Variants in ADCY2 observed in about 807,000 individuals in gnomAD.
The protein encoded by ADCY2 is adenylate cyclase 2.
In ADCY2, 31 loss-of-function variants were observed where a neutral mutation model predicts 125.2. The observed-to-expected ratio is 0.25, with a 90% CI of 0.19 to 0.33. ADCY2 has a LOEUF of 0.33. Ranked by LOEUF, ADCY2 falls within the 10% of genes least tolerant of loss-of-function variation. The pLI, the probability that ADCY2 is intolerant of heterozygous loss-of-function variation, is 1.00. For missense variants in ADCY2, 904 were observed against 1,418.2 expected (o/e 0.64, Z 5.82); for synonymous variants, 512 against 548.4 (o/e 0.93, Z 0.93).
At chr5:7,673,166 G>C (rs1739989750) in intron 4 of ADCY2, among the ~76,000 whole-genome samples, 1 of 140,982 alleles carries the variant, frequency 7.1e-6, no homozygotes. Context: ...ACTTTGGGAG[G>C]CCAAGGCAGG....
chr5:7,692,968 A>G (rs1740754236), intron 5 of ADCY2, among the ~76,000 whole-genome samples: 2 of 152,016 alleles, frequency 1.3e-5, no homozygotes, highest in Non-Finnish European at 2.9e-5. Flanking sequence ...AGACACCACC[A>G]TCAAGCACAG....
intron 2 of ADCY2, among the ~76,000 whole-genome samples, chr5:7,448,097 T>G (rs548102154): frequency 6.6e-6 from 1 of 152,296 alleles, no homozygotes; most frequent in South Asian, 2.1e-4. Context: ...AAACCCTGTG[T>G]GCTGTCTGGG....
intron 4 of ADCY2, among the ~76,000 whole-genome samples, chr5:7,666,116 G>C (rs776400943): frequency 1.3e-5 from 2 of 151,618 alleles, no homozygotes; most frequent in Non-Finnish European, 2.9e-5. Context: ...GGGATTACAG[G>C]CGTGAGCCAC....
intron 2 of ADCY2, among the ~76,000 whole-genome samples, chr5:7,477,663 G>A (rs925155115): frequency 1.3e-5 from 2 of 152,114 alleles, no homozygotes; most frequent in Non-Finnish European, 2.9e-5. Flanking sequence ...CTCTTATCCA[G>A]TCTTCAGTTT....
rs933393599 is a variant in ADCY2 at position 7,827,247 on chromosome 5, C to T, written c.*376C>T. 1 of 189,032 alleles carries T rather than the reference C, an allele frequency of 5.3e-6. No individual in the cohort carries two copies. Among genetic ancestry groups the T allele is most frequent in the Admixed American group, 5.5e-5 (1 of 18,334 alleles). The allele number at this position is 189,032 out of a possible 1,614,324, so 11.7% of individuals were successfully genotyped here. On this transcript the variant is annotated 3_prime_UTR_variant, in exon 25 of 25. Transcript: ENST00000338316. ...TATGGTAGCTCGCCAACCGCATCTG[C>T]TCATCTGATATTCAAACACACAGTA...
At chr5:7,670,061 A>G (rs1561157082) in intron 4 of ADCY2, among the ~76,000 whole-genome samples, 2 of 152,178 alleles carry the variant, frequency 1.3e-5, no homozygotes, top group African/African-American at 4.8e-5. Flanking sequence ...GTTGTCACCA[A>G]TGTTATTTTT....
chr5:7,499,388 A>C (rs930085431), intron 2 of ADCY2, among the ~76,000 whole-genome samples: 2 of 151,986 alleles, frequency 1.3e-5, no homozygotes, highest in African/African-American at 4.8e-5. Flanking sequence ...TTTTGTTTCT[A>C]GGTCTTGACT....
At chr5:7,811,506 A>G (rs1744943054) in intron 22 of ADCY2, among the ~76,000 whole-genome samples, 1 of 150,738 alleles carries the variant, frequency 6.6e-6, no homozygotes, top group African/African-American at 2.5e-5. Flanking sequence ...GTCTCAAAAA[A>G]AAAAAGAAAA....
chr5:7,733,292 C>T (rs932481469), intron 14 of ADCY2, among the ~76,000 whole-genome samples: 1 of 152,168 alleles, frequency 6.6e-6, no homozygotes, highest in Non-Finnish European at 1.5e-5. Context: ...CTTATTTCAA[C>T]ACTCAATACT....
intron 2 of ADCY2, among the ~76,000 whole-genome samples, chr5:7,473,259 G>A (rs1007387807): frequency 4.1e-4 from 62 of 152,276 alleles, no homozygotes; most frequent in African/African-American, 1.3e-3. Flanking sequence ...TGCACAAGAA[G>A]CATGGCACCC....
intron 20 of ADCY2, chr5:7,794,950 T>C (rs4702496): frequency 0.32 from 48,786 of 151,392 alleles, 8,148 homozygotes; most frequent in Admixed American, 0.45. Flanking sequence ...CTCCCTAAGG[T>C]TTCCCCAAGC....
At chr5:7,690,904 G>T in intron 5 of ADCY2, 65 bp downstream of exon 5, 1 of 1,425,582 alleles carries the variant, frequency 7.0e-7, no homozygotes. Flanking sequence ...ATTTTGCCTG[G>T]GATCTCACAC....
In ADCY2 at chr5:7,426,743, G is replaced by C. The variant is rs548820948; in HGVS notation, c.408+11973G>C. Among the ~76,000 whole-genome samples, 7 of 152,180 alleles carry C rather than the reference G, an allele frequency of 4.6e-5. No homozygotes were observed. The South Asian group carries it at 1.0e-3, about 23-fold the overall frequency. ...TTCTCTCTGCTTGTGGACCATCCCTGGGTCTCCCCCAGGAGATCTAGAGCT... is the reference window on the plus strand; with the variant it reads ...TTCTCTCTGCTTGTGGACCATCCCTCGGTCTCCCCCAGGAGATCTAGAGCT... On this transcript the variant is annotated intron_variant, in intron 2 of 24. Transcript: ENST00000338316.
At chr5:7,695,971 A>G in intron 6 of ADCY2, 108 bp downstream of exon 6, 1 of 660,894 alleles carries the variant, frequency 1.5e-6, no homozygotes, top group Non-Finnish European at 2.4e-6. Context: ...ATCCTTTAGG[A>G]ACATTGTTTG....
intron 15 of ADCY2, among the ~76,000 whole-genome samples, chr5:7,750,781 G>T (rs1183739345): frequency 6.8e-6 from 1 of 146,606 alleles, no homozygotes; most frequent in East Asian, 2.0e-4. Flanking sequence ...TGTAGGATTT[G>T]CTCTTTGTAT....
At chr5:7,814,893 G>T (rs326152) in intron 22 of ADCY2, among the ~76,000 whole-genome samples, 14,016 of 152,174 alleles carry the variant, frequency 0.092, 2,018 homozygotes, top group African/African-American at 0.31. Flanking sequence ...AGCAGCCCCA[G>T]GTTCCATTTC....
At chr5:7,498,736 G>A (rs13169421) in intron 2 of ADCY2, among the ~76,000 whole-genome samples, 22,950 of 152,120 alleles carry the variant, frequency 0.15, 1,883 homozygotes, top group Non-Finnish European at 0.18. Context: ...GTTCACAGCA[G>A]CACTGTGGTA....
At chr5:7,444,214 C>A (rs903230190) in intron 2 of ADCY2, among the ~76,000 whole-genome samples, 1 of 150,642 alleles carries the variant, frequency 6.6e-6, no homozygotes, top group Non-Finnish European at 1.5e-5. Flanking sequence ...CCCGGGTTCA[C>A]GCCATTCTCC....
intron 2 of ADCY2, among the ~76,000 whole-genome samples, chr5:7,424,365 G>T (rs567047736): frequency 6.6e-6 from 1 of 152,342 alleles, no homozygotes; most frequent in South Asian, 2.1e-4. Context: ...AAAAATTGAA[G>T]CCCAGAAAAG....
Sources: allele counts gnomAD v4.1 joint callset (sites outside exome capture counted in the v4.1 genomes callset), GRCh38; gene constraint gnomAD v4.1.1; transcripts MANE v1.5; gene names NCBI Gene and HGNC (gene_info 2026-07-23, HGNC 2026-07-21).